Variants in PCDH1 observed in about 807,000 individuals in gnomAD.
PCDH1 encodes protocadherin 1.
PCDH1 carries 23 observed loss-of-function variants against 74.6 expected under a neutral mutation model. The ratio of observed to expected loss-of-function variants is 0.31; its 90% confidence interval spans 0.22 to 0.44. The LOEUF is 0.44. Ranked by LOEUF, PCDH1 falls within the 20% of genes least tolerant of loss-of-function variation. The pLI, the probability that PCDH1 is intolerant of heterozygous loss-of-function variation, is 1.00. For missense variants in PCDH1, 1,214 were observed against 1,641.4 expected (o/e 0.74, Z 4.50); for synonymous variants, 647 against 686.1 (o/e 0.94, Z 0.89).
At chr5:141,867,472 T>G (rs1596557696) in intron 2 of PCDH1, 1 of 416,016 alleles carries the variant, frequency 2.4e-6, no homozygotes, top group East Asian at 7.1e-5. Flanking sequence ...ATACTTACCT[T>G]GTACTGTAAG....
At chr5:141,861,924 G>A (rs555390174) in intron 3 of PCDH1, among the ~76,000 whole-genome samples, 31 of 152,288 alleles carry the variant, frequency 2.0e-4, no homozygotes, top group Non-Finnish European at 3.7e-4. Context: ...AGTGGGGAGG[G>A]AGGTAGCATC....
intron 1 of PCDH1, among the ~76,000 whole-genome samples, chr5:141,876,918 G>T (rs898870966): frequency 6.6e-6 from 1 of 152,244 alleles, no homozygotes; most frequent in African/African-American, 2.4e-5. Context: ...CCAGAGCTCC[G>T]GGGAGGCGGG....
At chr5:141,862,965 AG>A (rs1314182539) in intron 3 of PCDH1, 3 of 1,248,958 alleles carry the variant, frequency 2.4e-6, no homozygotes, top group Non-Finnish European at 3.0e-6. Context: ...TCCAGGGTCC[AG>A]GGACTTGGCA....
At position 141,854,267 on chromosome 5, in the gene PCDH1, C is replaced by T; in HGVS notation, c.3489G>A (p.Gly1163=). 2 of 1,612,974 alleles carry T rather than the reference C, an allele frequency of 1.2e-6. No homozygotes were observed. The highest frequency in any genetic ancestry group is 1.7e-6 in the Non-Finnish European group (2 of 1,179,592). ...GGCTGCCGGCGCCCGCAGGCTCCTG[C>T]CCTCCTCGGTCCTGGTAAGGCACGA... ...STFVPYQDRG[G]QEPAGAGSPS... The change falls in exon 5 of 5, where the codon GGG becomes GGA. Residue 1163 remains glycine, a synonymous_variant. Coordinates refer to ENST00000287008, the MANE Select transcript of PCDH1 (RefSeq NM_032420.5).
intron 1 of PCDH1, among the ~76,000 whole-genome samples, chr5:141,874,822 G>A (rs1011311489): frequency 2.0e-5 from 3 of 152,124 alleles, no homozygotes; most frequent in African/African-American, 7.2e-5. Flanking sequence ...AAACACCAAG[G>A]GACAAACGGA....
At chr5:141,859,648 C>G (rs904710890) in intron 3 of PCDH1, among the ~76,000 whole-genome samples, 6 of 152,158 alleles carry the variant, frequency 3.9e-5, no homozygotes, top group African/African-American at 1.4e-4. Flanking sequence ...CCCCTCATTC[C>G]CTATCCCTAC....
chr5:141,876,411 AG>A (rs1753236025), intron 1 of PCDH1, among the ~76,000 whole-genome samples: 1 of 151,938 alleles, frequency 6.6e-6, no homozygotes, highest in African/African-American at 2.4e-5. Flanking sequence ...GCGGGGAGGG[AG>A]CCGGCGCCGG....
At chr5:141,859,978 A>C (rs570393485) in intron 3 of PCDH1, among the ~76,000 whole-genome samples, 1 of 152,052 alleles carries the variant, frequency 6.6e-6, no homozygotes, top group Non-Finnish European at 1.5e-5. Context: ...TTGCCAGAAT[A>C]TTCCTTTTTC....
intron 3 of PCDH1, among the ~76,000 whole-genome samples, chr5:141,862,439 G>C (rs981680810): frequency 6.6e-6 from 1 of 152,102 alleles, no homozygotes; most frequent in Non-Finnish European, 1.5e-5. Flanking sequence ...TTTGAAGGCT[G>C]GTCAGAAGGC....
At chr5:141,862,866 C>A in intron 3 of PCDH1, 1 of 1,151,074 alleles carries the variant, frequency 8.7e-7, no homozygotes, top group Non-Finnish European at 1.1e-6. Flanking sequence ...GACATAGAGA[C>A]CTAGGTTTGG....
At chr5:141,870,630 C>A (rs992110288) in intron 1 of PCDH1, among the ~76,000 whole-genome samples, 2 of 152,138 alleles carry the variant, frequency 1.3e-5, no homozygotes, top group African/African-American at 2.4e-5. Context: ...ACTTGCCTCT[C>A]CCAACCTCTG....
intron 1 of PCDH1, among the ~76,000 whole-genome samples, chr5:141,877,446 G>A (rs910963137): frequency 2.1e-4 from 32 of 152,210 alleles, no homozygotes; most frequent in African/African-American, 7.5e-4. Context: ...ATGCTAGGGT[G>A]TGTTCCTTAA....
At chr5:141,871,601 A>G (rs2126830494) in intron 1 of PCDH1, among the ~76,000 whole-genome samples, 1 of 152,362 alleles carries the variant, frequency 6.6e-6, no homozygotes, top group South Asian at 2.1e-4. Flanking sequence ...GTGGGTACTC[A>G]ACAAAGGACT....
Position 141,865,631 on chromosome 5 carries a change from T to C in PCDH1, c.904-204A>G, listed in dbSNP as rs985047352. ...GGCAGGCATTACTAACCTATTTTCCTGAAGAGCCCAGATGCAGCCTGCAAA... is the reference window on the plus strand; with the variant it reads ...GGCAGGCATTACTAACCTATTTTCCCGAAGAGCCCAGATGCAGCCTGCAAA... On this transcript the variant is annotated intron_variant, in intron 2 of 4. Transcript: ENST00000287008. The surrounding 1 kb of genome is among the most constrained non-coding windows in gnomAD (Gnocchi z 4.4). Among the ~76,000 whole-genome samples the C allele has an allele frequency of 2.7e-4, 41 of 152,220 alleles. No homozygotes were observed. The highest frequency in any genetic ancestry group is 8.9e-4 in the African/African-American group (37 of 41,450).
At position 141,864,570 on chromosome 5, in the gene PCDH1, C is replaced by T. The variant is rs113451110; in HGVS notation, c.1761G>A (p.Arg587=). The change falls in exon 3 of 5, where the codon CGG becomes CGA. Residue 587 remains arginine (R), a synonymous_variant. Coordinates refer to ENST00000287008, the MANE Select transcript of PCDH1 (RefSeq NM_032420.5). The surrounding 1 kb of genome is among the most constrained non-coding windows in gnomAD (Gnocchi z 5.9). ...CTGTGCCCTGGAGGCTAGGACTGCC[C>T]CGGTCAGCTGCCACCACCTTCAACT... is the stretch of plus-strand genomic sequence containing the variant. ...SYELKVVAAD[R]GSPSLQGTAT... is the part of the protein sequence containing the mutation. 1.9e-5 allele frequency: 30 copies of T among 1,613,914 alleles called. No individual in the cohort carries two copies. The African/African-American group carries it at 2.4e-4, about 13-fold the overall frequency.
rs1345920090 is a variant in PCDH1 at position 141,868,799 on chromosome 5, G to C, written c.673C>G (p.Gln225Glu). 1 of 1,614,070 alleles carries C rather than the reference G, an allele frequency of 6.2e-7. No individual in the cohort carries two copies. Among genetic ancestry groups the C allele is most frequent in the African/African-American group, 1.3e-5 (1 of 74,930 alleles). The change falls in exon 2 of 5, where the codon CAG becomes GAG. Residue 225 changes from glutamine to glutamate, a missense_variant. This residue lies in a region of PCDH1 where 836 missense variants were observed against 1,182.2 expected (regional missense o/e 0.71). Coordinates refer to ENST00000287008, the MANE Select transcript of PCDH1 (RefSeq NM_032420.5). This position sits in a 1 kb window ranked among gnomAD's most constrained non-coding sequence, Gnocchi z 4.8. ...ATGAGCTGTGGTTGCTTCTCCTCCT[G>C]GTCCTCTGCCACCTGCAGCCCAAAT... ...ELFGLQVAED[Q>E]EEKQPQLIVM...
chr5:141,861,229 A>G (rs1168686672), intron 3 of PCDH1, among the ~76,000 whole-genome samples: 2 of 152,006 alleles, frequency 1.3e-5, no homozygotes, highest in South Asian at 2.1e-4. Flanking sequence ...AAGACACTCA[A>G]TTGCCTCATC....
rs373659237 is a variant in PCDH1 at position 141,857,236 on chromosome 5, T to C, written c.3319+16A>G. 1,175 of 1,538,062 alleles carry C rather than the reference T, an allele frequency of 7.6e-4. 1 individual carries two copies. The highest frequency in any genetic ancestry group is 8.8e-4 in the Non-Finnish European group (1,012 of 1,145,692). On this transcript the variant is annotated intron_variant, in intron 4 of 4. Coordinates refer to ENST00000287008, the MANE Select transcript of PCDH1 (RefSeq NM_032420.5). ...ACTCATTCCTGGGGTGCCCTGACCA[T>C]GGTGCTGCGCCTCACCATTCTCGGG...
chr5:141,876,496 G>GT (rs950823481), intron 1 of PCDH1, among the ~76,000 whole-genome samples: 2 of 152,226 alleles, frequency 1.3e-5, no homozygotes, highest in African/African-American at 2.4e-5. Flanking sequence ...AGCAGAGGGG[G>GT]TTTTTTGCCC....
Sources: gnomAD v4.1 joint callset for allele counts (sites outside exome capture counted in the v4.1 genomes callset) on GRCh38, gnomAD v4.1.1 for gene constraint, gnomAD v4.1.1 regional missense constraint, Gnocchi (gnomAD v3.1) non-coding constraint, MANE v1.5 for transcripts, NCBI Gene and HGNC (gene_info 2026-07-23, HGNC 2026-07-21) for gene names.